Variants in ADAM23 observed in about 807,000 individuals in gnomAD.
ADAM23 encodes the protein ADAM metallopeptidase domain 23, also known as disintegrin and metalloproteinase domain-containing protein 23.
ADAM23 carries 33 observed loss-of-function variants against 120.1 expected under a neutral mutation model. That is an observed-to-expected ratio of 0.27 (90% CI 0.21 to 0.37). The LOEUF is 0.37. ADAM23 is among the 10% of genes least tolerant of loss of function. The probability of loss-of-function intolerance (pLI) is 1.00; values close to 1 mark genes in which losing one functional copy is unlikely to be tolerated. For missense variants in ADAM23, 862 were observed against 1,058.2 expected, an observed-to-expected ratio of 0.81 and a Z score of 2.57; for synonymous variants, 367 against 375.2, an observed-to-expected ratio of 0.98 and a Z score of 0.25.
chr2:206,446,516 A>G (rs1361363268), intron 2 of ADAM23, among the ~76,000 whole-genome samples: 1 of 152,184 alleles, frequency 6.6e-6, no homozygotes, highest in Admixed American at 6.5e-5. Flanking sequence ...TTTCTAAAAT[A>G]TAGGTGAGTG....
chr2:206,499,426 A>T (rs1285192255), intron 3 of ADAM23, among the ~76,000 whole-genome samples: 1 of 147,184 alleles, frequency 6.8e-6, no homozygotes, highest in Non-Finnish European at 1.5e-5. Context: ...TCTCACTCAT[A>T]GGTGGGAATT....
At chr2:206,462,849 A>G (rs1323778118) in intron 2 of ADAM23, among the ~76,000 whole-genome samples, 1 of 152,098 alleles carries the variant, frequency 6.6e-6, no homozygotes, top group Non-Finnish European at 1.5e-5. Flanking sequence ...TGGTTTCATC[A>G]GGAAGCCACT....
At chr2:206,547,390 A>C in intron 6 of ADAM23, 39 bp from the exon 7 acceptor site, 3 of 1,552,944 alleles carry the variant, frequency 1.9e-6, no homozygotes, top group Non-Finnish European at 2.7e-6. Context: ...GCTTGTTCAC[A>C]TCTTGCTTTC....
chr2:206,481,524 C>T (rs1695896890), intron 3 of ADAM23, among the ~76,000 whole-genome samples: 1 of 152,102 alleles, frequency 6.6e-6, no homozygotes. Flanking sequence ...CCAGCACTTA[C>T]ATATTATAAT....
At chr2:206,449,317 A>G (rs1695144296) in intron 2 of ADAM23, among the ~76,000 whole-genome samples, 1 of 152,266 alleles carries the variant, frequency 6.6e-6, no homozygotes, top group Non-Finnish European at 1.5e-5. Flanking sequence ...ACTAAATATA[A>G]GCATTTTATT....
chr2:206,620,614 A>C lies in ADAM23; in HGVS notation c.*2987A>C, dbSNP rs1265156142. On this transcript the variant is annotated 3_prime_UTR_variant, in exon 26 of 26. Transcript: ENST00000264377. Reference sequence around the variant, plus strand: ...AAGAGTTAGTGTTAAGTGATGATCAAGTTCCCATTTCACCTGCTCTACTTT... The same window carrying C: ...AAGAGTTAGTGTTAAGTGATGATCACGTTCCCATTTCACCTGCTCTACTTT... 6.6e-6 allele frequency: 1 copy of C among 152,150 alleles called. No individual in the cohort carries two copies. The highest frequency in any genetic ancestry group is 1.5e-5 in the Non-Finnish European group (1 of 68,040). The allele number at this position is 152,150 out of a possible 1,614,324, so 9.4% of individuals were successfully genotyped here.
intron 24 of ADAM23, among the ~76,000 whole-genome samples, chr2:206,602,033 C>T (rs1698648598): frequency 1.3e-5 from 2 of 152,028 alleles, no homozygotes; most frequent in Admixed American, 1.3e-4. Flanking sequence ...TTACCTTTTG[C>T]AATATATCCT....
intron 9 of ADAM23, among the ~76,000 whole-genome samples, chr2:206,550,527 A>G (rs1051499580): frequency 3.3e-5 from 5 of 151,552 alleles, no homozygotes; most frequent in African/African-American, 1.2e-4. Context: ...TGCTTATGGT[A>G]GATACAATTG....
chr2:206,560,143 T>G, intron 11 of ADAM23, 25 bp downstream of exon 11: 2 of 1,599,748 alleles, frequency 1.3e-6, no homozygotes, highest in Non-Finnish European at 1.7e-6. Context: ...CAGCCTTTAG[T>G]GTAGTCTTTG....
At chr2:206,604,305 A>G (rs986745452) in intron 24 of ADAM23, among the ~76,000 whole-genome samples, 2 of 152,172 alleles carry the variant, frequency 1.3e-5, no homozygotes, top group Non-Finnish European at 2.9e-5. Context: ...AAAATAATGT[A>G]TATCAGTTAA....
At chr2:206,494,880 C>A (rs1469005013) in intron 3 of ADAM23, among the ~76,000 whole-genome samples, 1 of 151,584 alleles carries the variant, frequency 6.6e-6, no homozygotes, top group African/African-American at 2.4e-5. Flanking sequence ...ATGCTATCAA[C>A]TGGAAGAAAG....
chr2:206,578,735 G>A (rs1004640235), intron 18 of ADAM23, among the ~76,000 whole-genome samples: 1 of 151,912 alleles, frequency 6.6e-6, no homozygotes, highest in South Asian at 2.1e-4. Flanking sequence ...GAATAATGAC[G>A]TCTTTTCCTC....
At chr2:206,449,047 TC>T (rs1695138925) in intron 2 of ADAM23, among the ~76,000 whole-genome samples, 2 of 152,092 alleles carry the variant, frequency 1.3e-5, no homozygotes, top group Non-Finnish European at 2.9e-5. Context: ...AACCAGTGGA[TC>T]TGACGCTGTC....
At chr2:206,531,903 G>A (rs1255659958) in intron 4 of ADAM23, among the ~76,000 whole-genome samples, 1 of 152,172 alleles carries the variant, frequency 6.6e-6, no homozygotes, top group Non-Finnish European at 1.5e-5. Context: ...GTTTATAGGT[G>A]TCCTTCATTA....
chr2:206,499,066 A>G (rs1273838205), intron 3 of ADAM23, among the ~76,000 whole-genome samples: 1 of 152,092 alleles, frequency 6.6e-6, no homozygotes, highest in Non-Finnish European at 1.5e-5. Context: ...AACTAGTTCA[A>G]CCATTGTGGA....
chr2:206,536,186 CCTT>C (rs1334921767), intron 4 of ADAM23, among the ~76,000 whole-genome samples: 1 of 152,122 alleles, frequency 6.6e-6, no homozygotes, highest in East Asian at 1.9e-4. Flanking sequence ...GCCAGGATCT[CCTT>C]CTTTAAGGCC....
At chr2:206,570,956 C>A in intron 16 of ADAM23, 145 bp downstream of exon 16, 1 of 666,128 alleles carries the variant, frequency 1.5e-6, no homozygotes, top group Non-Finnish European at 2.6e-6. Context: ...TCAACTCAGA[C>A]CTGTTGGAAT....
At chr2:206,472,222 A>G (rs996830076) in intron 2 of ADAM23, among the ~76,000 whole-genome samples, 10 of 152,174 alleles carry the variant, frequency 6.6e-5, no homozygotes, top group African/African-American at 2.4e-4. Flanking sequence ...TTAAAAAGAA[A>G]TATTTAGTGT....
At chr2:206,513,417 T>C (rs1254817213) in intron 3 of ADAM23, among the ~76,000 whole-genome samples, 1 of 152,144 alleles carries the variant, frequency 6.6e-6, no homozygotes, top group Non-Finnish European at 1.5e-5. Context: ...AAACATTCCA[T>C]TCAGTGAAAG....
Sources: allele counts gnomAD v4.1 joint callset (sites outside exome capture counted in the v4.1 genomes callset), GRCh38; gene constraint gnomAD v4.1.1; transcripts MANE v1.5; gene names NCBI Gene and HGNC (gene_info 2026-07-23, HGNC 2026-07-21).